The following GABRB1 variants were observed in gnomAD, a reference collection of about 807,000 sequenced individuals.
GABRB1 encodes the protein gamma-aminobutyric acid receptor subunit beta-1.
A neutral mutation model predicts 51.6 loss-of-function variants in GABRB1; 17 were observed. The ratio of observed to expected loss-of-function variants is 0.33; its 90% CI spans 0.23 to 0.49. The LOEUF (loss-of-function observed/expected upper bound fraction) is 0.49. Among genes scored for constraint, GABRB1 ranks in the 20% least tolerant of loss-of-function variants. GABRB1 has a pLI of 0.99. For synonymous variants in GABRB1, 247 were observed against 218.9 expected (o/e 1.13, Z -1.14); for missense variants, 410 against 600.6 (o/e 0.68, Z 3.32).
At chr4:47,291,702 T>A (rs750691365) in intron 4 of GABRB1, among the ~76,000 whole-genome samples, 3 of 152,108 alleles carry the variant, frequency 2.0e-5, no homozygotes, top group African/African-American at 4.8e-5. Flanking sequence ...TCAAAGGAGA[T>A]CTTTTTGGAG....
intron 4 of GABRB1, among the ~76,000 whole-genome samples, chr4:47,269,725 G>T (rs1025258643): frequency 1.3e-5 from 2 of 151,808 alleles, no homozygotes; most frequent in Admixed American, 6.6e-5. Context: ...TTATGTGTCG[G>T]GGATGATACA....
At chr4:47,380,598 G>T (rs756104171) in intron 5 of GABRB1, among the ~76,000 whole-genome samples, 1 of 152,136 alleles carries the variant, frequency 6.6e-6, no homozygotes, top group Non-Finnish European at 1.5e-5. Flanking sequence ...TTGATCATCC[G>T]TCTATTCAAC....
chr4:47,277,084 T>C (rs1723110344), intron 4 of GABRB1, among the ~76,000 whole-genome samples: 1 of 152,116 alleles, frequency 6.6e-6, no homozygotes. Flanking sequence ...TTTCTTTCCA[T>C]AATTAATGTA....
At chr4:47,337,410 G>A (rs1453440406) in intron 5 of GABRB1, among the ~76,000 whole-genome samples, 1 of 152,158 alleles carries the variant, frequency 6.6e-6, no homozygotes, top group Non-Finnish European at 1.5e-5. Flanking sequence ...TGAGAGCATT[G>A]AGGATATGGG....
intron 8 of GABRB1, 104 bp downstream of exon 8, chr4:47,407,030 AT>A: frequency 8.8e-7 from 1 of 1,131,478 alleles, no homozygotes; most frequent in Non-Finnish European, 1.2e-6. Context: ...AATAGTTGAT[AT>A]TTAATAAGAC....
intron 4 of GABRB1, among the ~76,000 whole-genome samples, chr4:47,189,005 T>C (rs751310892): frequency 2.0e-5 from 3 of 151,944 alleles, no homozygotes; most frequent in African/African-American, 7.2e-5. Flanking sequence ...TAGAAGGAGA[T>C]AGAGTCTGGG....
intron 5 of GABRB1, among the ~76,000 whole-genome samples, chr4:47,393,502 C>T (rs1728078273): frequency 6.6e-6 from 1 of 152,144 alleles, no homozygotes; most frequent in Non-Finnish European, 1.5e-5. Flanking sequence ...TACCTAATTA[C>T]CTTACTCTTC....
At chr4:47,374,525 G>C (rs554459702) in intron 5 of GABRB1, among the ~76,000 whole-genome samples, 3 of 152,368 alleles carry the variant, frequency 2.0e-5, no homozygotes, top group South Asian at 4.1e-4. Flanking sequence ...ATCCAAAGGA[G>C]TAGAGTAGCG....
At chr4:47,374,810 A>G (rs1424735927) in intron 5 of GABRB1, among the ~76,000 whole-genome samples, 8 of 152,230 alleles carry the variant, frequency 5.3e-5, no homozygotes, top group Non-Finnish European at 1.0e-4. Context: ...ATGTGTTGAA[A>G]CATAAATTGT....
At chr4:47,111,681 T>C (rs1405466289) in intron 3 of GABRB1, among the ~76,000 whole-genome samples, 2 of 151,790 alleles carry the variant, frequency 1.3e-5, no homozygotes, top group Admixed American at 6.6e-5. Flanking sequence ...CTGGGAAACA[T>C]GGCAAAACCT....
intron 4 of GABRB1, among the ~76,000 whole-genome samples, chr4:47,187,338 A>C (rs1009937128): frequency 6.6e-6 from 1 of 151,878 alleles, no homozygotes; most frequent in Non-Finnish European, 1.5e-5. Context: ...TTACAAACTA[A>C]TCATGTCCTA....
At chr4:47,083,157 T>C (rs143238732) in intron 3 of GABRB1, among the ~76,000 whole-genome samples, 1 of 152,212 alleles carries the variant, frequency 6.6e-6, no homozygotes, top group African/African-American at 2.4e-5. Context: ...AACACAACAT[T>C]GGATAAATTT....
intron 5 of GABRB1, among the ~76,000 whole-genome samples, chr4:47,393,656 T>C (rs1306664906): frequency 1.3e-5 from 2 of 152,252 alleles, no homozygotes; most frequent in Admixed American, 6.5e-5. Context: ...CAATATTCCA[T>C]TGACATCATC....
At chr4:47,155,427 A>G (rs1296802821) in intron 3 of GABRB1, among the ~76,000 whole-genome samples, 1 of 152,100 alleles carries the variant, frequency 6.6e-6, no homozygotes, top group African/African-American at 2.4e-5. Flanking sequence ...ATATACACAC[A>G]TATTACAAAA....
intron 4 of GABRB1, among the ~76,000 whole-genome samples, chr4:47,295,848 T>C (rs1159023789): frequency 1.3e-5 from 2 of 152,114 alleles, no homozygotes; most frequent in East Asian, 1.9e-4. Context: ...ATGTTAAGGG[T>C]AGCCAGAGAG....
intron 4 of GABRB1, among the ~76,000 whole-genome samples, chr4:47,184,828 G>A (rs1327067390): frequency 1.3e-5 from 2 of 151,854 alleles, no homozygotes; most frequent in African/African-American, 4.8e-5. Flanking sequence ...CACATTCAAG[G>A]AGGGGTTAAT....
intron 4 of GABRB1, among the ~76,000 whole-genome samples, chr4:47,248,266 A>G (rs769578345): frequency 2.4e-4 from 36 of 152,084 alleles, no homozygotes; most frequent in Non-Finnish European, 3.5e-4. Context: ...TGCTGCATCT[A>G]TTGAGATGAT....
At chr4:47,134,610 T>C (rs1296571680) in intron 3 of GABRB1, among the ~76,000 whole-genome samples, 1 of 152,208 alleles carries the variant, frequency 6.6e-6, no homozygotes, top group East Asian at 1.9e-4. Context: ...AACTTGAAAC[T>C]GTTACCAATA....
In GABRB1 at chr4:47,175,359, G is replaced by A. The variant is rs149601453; in HGVS notation, c.461+13890G>A. Reference sequence around the variant, plus strand: ...AGCATGAATCATCACCCCCAGCCCTGTAATCTTTTTTAAAAGAGTCTGTTC... The same window carrying A: ...AGCATGAATCATCACCCCCAGCCCTATAATCTTTTTTAAAAGAGTCTGTTC... On this transcript the variant is annotated intron_variant, in intron 4 of 8. Transcript: ENST00000295454. 2.6e-5 allele frequency among the ~76,000 whole-genome samples: 4 copies of A among 152,012 alleles called. No homozygotes were observed. In the East Asian group the frequency reaches 7.8e-4, roughly 29 times the overall value.
Sources: allele counts gnomAD v4.1 joint callset (sites outside exome capture counted in the v4.1 genomes callset), GRCh38; gene constraint gnomAD v4.1.1; transcripts MANE v1.5; gene names NCBI Gene and HGNC (gene_info 2026-07-23, HGNC 2026-07-21).